The following PCDH11X variants were observed in gnomAD, a reference collection of about 807,000 sequenced individuals.
PCDH11X encodes protocadherin 11 X-linked.
In PCDH11X, 18 loss-of-function variants were observed where a neutral mutation model predicts 53.3. That is an observed-to-expected ratio of 0.34 (90% CI 0.23 to 0.50). PCDH11X has a LOEUF of 0.50. PCDH11X is among the 20% of genes least tolerant of loss of function. The pLI, the probability that PCDH11X is intolerant of heterozygous loss-of-function variation, is 0.98. For synonymous variants in PCDH11X, 279 were observed against 393.3 expected (o/e 0.71, Z 3.44); for missense variants, 570 against 1,032.4 (o/e 0.55, Z 6.14).
rs1923668005 is a variant in PCDH11X at position 92,581,289 on chromosome X, T to C, written c.3368-36975T>C. Among the ~76,000 whole-genome samples the C allele has an allele frequency of 2.7e-5, 3 of 111,582 alleles. 1 individual carries two copies. The highest frequency in any genetic ancestry group is 5.6e-5 in the Non-Finnish European group (3 of 53,112). The stretch of plus-strand genomic sequence containing the variant: ...TTAACCAAGGTAGACCATTGATATG[T>C]TTTGGCTGTGTCCCCACCCAAATCT... On this transcript the variant is annotated intron_variant, in intron 10 of 10. Transcript: ENST00000682573.
intron 6 of PCDH11X, among the ~76,000 whole-genome samples, chrX:92,064,165 G>C (rs1328127199): frequency 9.7e-6 from 1 of 103,187 alleles, no homozygotes; most frequent in African/African-American, 3.5e-5. Flanking sequence ...GCAGGGGTAG[G>C]GTTGCCTGTG....
At chrX:91,805,588 G>T (rs1490996986) in intron 1 of PCDH11X, among the ~76,000 whole-genome samples, 2 of 111,061 alleles carry the variant, frequency 1.8e-5, no homozygotes, top group East Asian at 5.7e-4. Flanking sequence ...GCCAAAGCAG[G>T]GGGGCTTGCT....
chrX:92,172,524 G>A (rs2065840493), intron 6 of PCDH11X, among the ~76,000 whole-genome samples: 1 of 108,665 alleles, frequency 9.2e-6, no homozygotes. Flanking sequence ...CGAGTAACTG[G>A]GACTATAGGT....
At chrX:91,783,691 A>C (rs1168189751) in intron 1 of PCDH11X, among the ~76,000 whole-genome samples, 1 of 111,936 alleles carries the variant, frequency 8.9e-6, no homozygotes, top group Non-Finnish European at 1.9e-5. Flanking sequence ...ACTGGCTTTG[A>C]GCTACATTGA....
chrX:92,058,725 A>C (rs1302499677), intron 6 of PCDH11X, among the ~76,000 whole-genome samples: 2 of 110,025 alleles, frequency 1.8e-5, no homozygotes, highest in Non-Finnish European at 1.9e-5. Flanking sequence ...GCAGTAATGC[A>C]TGTGTGTTTA....
At chrX:92,530,163 G>T (rs1178067036) in intron 10 of PCDH11X, among the ~76,000 whole-genome samples, 1 of 109,317 alleles carries the variant, frequency 9.1e-6, no homozygotes, top group Non-Finnish European at 1.9e-5. Context: ...TTTGTTTATT[G>T]TTCTTTAAAC....
chrX:92,386,248 A>T (rs1377922948), intron 8 of PCDH11X, among the ~76,000 whole-genome samples: 4 of 111,121 alleles, frequency 3.6e-5, no homozygotes, highest in Non-Finnish European at 7.5e-5. Context: ...TTGAAGTATG[A>T]TATTCAAATC....
At chrX:92,382,014 A>C (rs1410287410) in intron 8 of PCDH11X, among the ~76,000 whole-genome samples, 1 of 111,159 alleles carries the variant, frequency 9.0e-6, no homozygotes, top group Non-Finnish European at 1.9e-5. Context: ...AGTAGACTAC[A>C]GGGACAAAAA....
chrX:92,462,014 C>T (rs1477018154), intron 9 of PCDH11X, among the ~76,000 whole-genome samples: 2 of 112,268 alleles, frequency 1.8e-5, no homozygotes, highest in Non-Finnish European at 3.8e-5. Context: ...TAATTACCTA[C>T]TGTTTTCTTT....
At chrX:91,920,631 TA>T (rs1941710072) in intron 6 of PCDH11X, among the ~76,000 whole-genome samples, 1 of 111,648 alleles carries the variant, frequency 9.0e-6, no homozygotes, top group Non-Finnish European at 1.9e-5. Context: ...ATTGTTGTTA[TA>T]ATTTGCTTCA....
At chrX:91,944,457 T>C (rs1210579124) in intron 6 of PCDH11X, among the ~76,000 whole-genome samples, 1 of 104,322 alleles carries the variant, frequency 9.6e-6, no homozygotes, top group African/African-American at 3.5e-5. Flanking sequence ...ATAGAAATCA[T>C]GTTTTAAAAA....
chrX:92,133,800 A>G (rs1462129343), intron 6 of PCDH11X, among the ~76,000 whole-genome samples: 4 of 112,517 alleles, frequency 3.6e-5, no homozygotes, highest in Non-Finnish European at 7.5e-5. Context: ...CTGTAAACCA[A>G]AAAGTATCTG....
chrX:92,403,329 GTT>G (rs1178198433), intron 9 of PCDH11X, among the ~76,000 whole-genome samples: 7 of 58,801 alleles, frequency 1.2e-4, no homozygotes, highest in African/African-American at 3.9e-4. Flanking sequence ...GGGCATTTAC[GTT>G]TTTTTTTGTT....
chrX:91,983,856 A>C (rs1224110580), intron 6 of PCDH11X, among the ~76,000 whole-genome samples: 1 of 110,811 alleles, frequency 9.0e-6, no homozygotes, highest in Non-Finnish European at 1.9e-5. Flanking sequence ...ATCTGTAAAC[A>C]AAACATATCA....
At chrX:92,240,585 C>T (rs958330502) in intron 7 of PCDH11X, among the ~76,000 whole-genome samples, 1 of 111,674 alleles carries the variant, frequency 9.0e-6, no homozygotes, top group African/African-American at 3.3e-5. Flanking sequence ...TAGAATTCTG[C>T]CTGAAACAAC....
intron 4 of PCDH11X, among the ~76,000 whole-genome samples, chrX:91,829,681 C>G (rs1404565814): frequency 1.8e-5 from 2 of 110,713 alleles, no homozygotes; most frequent in African/African-American, 6.6e-5. Context: ...CTTTGGTTAC[C>G]TTCTTAAAAT....
At chrX:92,091,936 A>G (rs1175041440) in intron 6 of PCDH11X, among the ~76,000 whole-genome samples, 6 of 111,907 alleles carry the variant, frequency 5.4e-5, no homozygotes, top group Non-Finnish European at 1.1e-4. Context: ...AAGATTCTCT[A>G]TATAATGTGG....
chrX:91,842,695 A>G (rs1028909014), intron 5 of PCDH11X, among the ~76,000 whole-genome samples: 2 of 106,080 alleles, frequency 1.9e-5, no homozygotes, highest in African/African-American at 3.5e-5. Flanking sequence ...ACATATCTCT[A>G]TACTTGCTGG....
intron 6 of PCDH11X, among the ~76,000 whole-genome samples, chrX:92,096,315 A>G (rs1348919117): frequency 1.8e-5 from 2 of 110,809 alleles, no homozygotes; most frequent in Admixed American, 9.7e-5. Flanking sequence ...ATGATTTAAT[A>G]TACAAGGCAC....
Sources: allele counts gnomAD v4.1 joint callset (sites outside exome capture counted in the v4.1 genomes callset), GRCh38; gene constraint gnomAD v4.1.1; transcripts MANE v1.5; gene names NCBI Gene and HGNC (gene_info 2026-07-23, HGNC 2026-07-21).